The following PDX1 variants were observed in gnomAD, a reference collection of about 807,000 sequenced individuals.
PDX1 encodes the protein pancreas/duodenum homeobox protein 1.
A neutral mutation model predicts 11.1 loss-of-function variants in PDX1; 7 were observed. The ratio of observed to expected loss-of-function variants is 0.63; its 90% confidence interval spans 0.36 to 1.19. The LOEUF is 1.19. Ranked by LOEUF, PDX1 falls within the 50% of genes most tolerant of loss-of-function variation. The pLI, the probability that PDX1 is intolerant of heterozygous loss-of-function variation, is 0.02. For missense variants in PDX1, 449 were observed against 412.1 expected (o/e 1.09, Z -0.78); for synonymous variants, 232 against 196.2 (o/e 1.18, Z -1.53).
At chr13:27,920,662 T>C in intron 1 of PDX1, 118 bp downstream of exon 1, 1 of 1,058,378 alleles carries the variant, frequency 9.4e-7, no homozygotes, top group Non-Finnish European at 1.4e-6. Flanking sequence ...CGGGTCGGAC[T>C]AAACTACATC....
chr13:27,922,011 G>A (rs1280674384), intron 1 of PDX1, among the ~76,000 whole-genome samples: 1 of 152,200 alleles, frequency 6.6e-6, no homozygotes, highest in African/African-American at 2.4e-5. Context: ...TTCCAGGGCT[G>A]CCTCCCCTCC....
chr13:27,923,571 G>A (rs1957802678), intron 1 of PDX1, among the ~76,000 whole-genome samples: 1 of 152,218 alleles, frequency 6.6e-6, no homozygotes, highest in Admixed American at 6.5e-5. Context: ...GAAACACATG[G>A]TCAGATATAA....
At position 27,924,355 on chromosome 13, in the gene PDX1, A is replaced by G; in HGVS notation, c.506A>G (p.Lys169Arg). The G allele has an allele frequency of 6.2e-7, 1 of 1,612,678 alleles. No homozygotes were observed. Among genetic ancestry groups the G allele is most frequent in the Non-Finnish European group, 8.5e-7 (1 of 1,179,912 alleles). Residue 169 changes from lysine to arginine, a missense_variant, in exon 2 of 2, where the codon AAG (lysine) becomes AGG (arginine). Physicochemically the swap from Lys to Arg is conservative, Grantham distance 26 (BLOSUM62 2). This residue lies in a region of PDX1 where 47 missense variants were observed against 78.2 expected (regional missense o/e 0.60). Transcript: ENST00000381033. This position sits in a 1 kb window ranked among gnomAD's most constrained non-coding sequence, Gnocchi z 4.8. ...LELEKEFLFN[K>R]YISRPRRVEL... ...CTGGAGAAGGAGTTCCTATTCAACA[A>G]GTACATCTCACGGCCGCGCCGGGTG...
chr13:27,922,568 G>T (rs765192351), intron 1 of PDX1, among the ~76,000 whole-genome samples: 2 of 152,174 alleles, frequency 1.3e-5, no homozygotes, highest in African/African-American at 2.4e-5. Context: ...CTTCAGCAGC[G>T]CTGTCCAGCT....
intron 1 of PDX1, among the ~76,000 whole-genome samples, chr13:27,921,256 T>C (rs1238439060): frequency 2.0e-5 from 3 of 152,196 alleles, no homozygotes; most frequent in Non-Finnish European, 4.4e-5. Context: ...CCGAAAGCAA[T>C]TGAAGCTGTC....
Position 27,926,182 on chromosome 13 carries a change from G to A in PDX1, c.*1481G>A, listed in dbSNP as rs1197841443. Reference sequence around the variant, plus strand: ...TGGGCCTTGTGCTCGGGTTATGTTTGTGGGAAATGCTTAATAAATACTGAT... The same window carrying A: ...TGGGCCTTGTGCTCGGGTTATGTTTATGGGAAATGCTTAATAAATACTGAT... On this transcript the variant is annotated 3_prime_UTR_variant, in exon 2 of 2. Transcript: ENST00000381033. The A allele has an allele frequency of 2.6e-5, 4 of 152,368 alleles. No individual in the cohort carries two copies. The East Asian group carries it at 7.7e-4, about 29-fold the overall frequency. The allele number at this position is 152,368 out of a possible 1,614,324, so 9.4% of individuals were successfully genotyped here. A position where few individuals can be genotyped will look rare whatever the true frequency, so the allele number is the denominator to read the frequency against.
intron 1 of PDX1, among the ~76,000 whole-genome samples, chr13:27,921,181 G>T (rs1345058716): frequency 6.6e-6 from 1 of 152,268 alleles, no homozygotes; most frequent in Non-Finnish European, 1.5e-5. Flanking sequence ...CTGAAAGCCG[G>T]CCTCTCAACG....
In PDX1 at chr13:27,924,601, C is replaced by T; in HGVS notation, c.752C>T (p.Ala251Val). 1 of 1,463,888 alleles carries T rather than the reference C, an allele frequency of 6.8e-7. No homozygotes were observed. Among genetic ancestry groups the T allele is most frequent in the Non-Finnish European group, 9.0e-7 (1 of 1,113,638 alleles). 90.7% of individuals were successfully genotyped at this position (1,463,888 alleles called of 1,614,324 possible). A position where few individuals can be genotyped will look rare whatever the true frequency, so the allele number is the denominator to read the frequency against. The change falls in exon 2 of 2, where the codon GCT becomes GTT. Residue 251 changes from alanine to valine, a missense_variant. By Grantham distance (64) the Ala-to-Val change is moderately conservative (BLOSUM62 0). Around this residue, in one of 3 missense-constraint regions of PDX1, gnomAD observed 139 missense variants for 121.4 expected, o/e 1.14. Transcript: ENST00000381033. This position sits in a 1 kb window ranked among gnomAD's most constrained non-coding sequence, Gnocchi z 4.8. ...PPPPGGAVPPAAPVAAREGRL... is the reference protein window; with the variant it reads ...PPPPGGAVPPVAPVAAREGRL... The stretch of plus-strand genomic sequence containing the variant: ...CCCCCCGGAGGTGCTGTGCCGCCCG[C>T]TGCCCCCGTTGCCGCCCGAGAGGGC...
chr13:27,923,691 A>G (rs57247118), intron 1 of PDX1, among the ~76,000 whole-genome samples: 34,655 of 152,206 alleles, frequency 0.23, 4,294 homozygotes, highest in East Asian at 0.44. Context: ...TTTTTAAACG[A>G]AATAGCAGAT....
intron 1 of PDX1, among the ~76,000 whole-genome samples, chr13:27,922,963 C>A (rs770028952): frequency 6.6e-6 from 1 of 152,238 alleles, no homozygotes; most frequent in Non-Finnish European, 1.5e-5. Context: ...TCTGCTTCAG[C>A]TTCTGGCGCC....
chr13:27,920,294 C>T lies in PDX1; in HGVS notation c.156C>T (p.Gly52=). The part of the protein sequence containing the change: ...PPPPPPHPFP[G]ALGALEQGSP... ...CGCCGCCGCCGCACCCGTTCCCTGG[C>T]GCCCTGGGCGCGCTGGAGCAGGGCA... Residue 52 remains glycine (G), a synonymous_variant, in exon 1 of 2, where the codon GGC becomes GGT. Transcript: ENST00000381033. 6.5e-7 allele frequency: 1 copy of T among 1,537,886 alleles called. No homozygotes were observed. Among genetic ancestry groups the T allele is most frequent in the Non-Finnish European group, 8.8e-7 (1 of 1,141,986 alleles).
rs764675125 is a variant in PDX1, at chr13:27,920,522, C to G, written c.384C>G (p.His128Gln). The change falls in exon 1 of 2, where the codon CAC (histidine) becomes CAG (glutamine). Residue 128 changes from histidine (H) to glutamine (Q), a missense_variant. His to Gln is a conservative substitution (Grantham distance 24). Around this residue, in one of 3 missense-constraint regions of PDX1, gnomAD observed 263 missense variants for 212.5 expected, o/e 1.24. Transcript: ENST00000381033. ...CATGGATGAAGTCTACCAAAGCTCA[C>G]GCGTGGAAAGGCCAGTGGGCAGGTA... is the stretch of plus-strand genomic sequence containing the variant. ...PFPWMKSTKAHAWKGQWAGGA... is the reference protein window; with the variant it reads ...PFPWMKSTKAQAWKGQWAGGA... 3.1e-6 allele frequency: 5 copies of G among 1,612,884 alleles called. No individual in the cohort carries two copies. In the East Asian group the frequency reaches 8.9e-5, roughly 29 times the overall value.
intron 1 of PDX1, among the ~76,000 whole-genome samples, chr13:27,923,841 C>T (rs2137505622): frequency 6.6e-6 from 1 of 152,258 alleles, no homozygotes; most frequent in Middle Eastern, 3.4e-3. Flanking sequence ...TTGTGGGTCA[C>T]CATCAGGAGG....
chr13:27,920,132 C>A lies in PDX1; in HGVS notation c.-7C>A. On this transcript the variant is annotated 5_prime_UTR_variant, in exon 1 of 2. Transcript: ENST00000381033. The stretch of plus-strand genomic sequence containing the variant: ...CGGCTCCCGGTGCCCAATCCCGGGC[C>A]GCAGCCATGAACGGCGAGGAGCAGT... The A allele has an allele frequency of 1.3e-6, 2 of 1,549,580 alleles. No homozygotes were observed. The highest frequency in any genetic ancestry group is 4.9e-5 in the East Asian group (2 of 40,902).
intron 1 of PDX1, among the ~76,000 whole-genome samples, chr13:27,921,155 G>T (rs1202836582): frequency 6.6e-6 from 1 of 152,260 alleles, no homozygotes; most frequent in Non-Finnish European, 1.5e-5. Context: ...GGGCAAGGCG[G>T]GGGCTCACCG....
At chr13:27,923,756 T>TA (rs933687313) in intron 1 of PDX1, among the ~76,000 whole-genome samples, 1 of 152,146 alleles carries the variant, frequency 6.6e-6, no homozygotes, top group Non-Finnish European at 1.5e-5. Context: ...TTTATGTCCT[T>TA]AAGATTTGTC....
rs535722487 is a variant in PDX1, at chr13:27,920,450, C to G, written c.312C>G (p.Ala104=). Residue 104 remains alanine (A), a synonymous_variant, in exon 1 of 2, where the codon GCC becomes GCG. Coordinates refer to ENST00000381033, the MANE Select transcript of PDX1 (RefSeq NM_000209.4). Reference sequence around the variant, plus strand: ...CCGCCGGGCCCTTCCCGGAGGGAGCCGAGCCGGGCGTCCTGGAGGAGCCCA... The same window carrying G: ...CCGCCGGGCCCTTCCCGGAGGGAGCGGAGCCGGGCGTCCTGGAGGAGCCCA... ...HPPAGPFPEG[A]EPGVLEEPNR... 3 of 1,593,498 alleles carry G rather than the reference C, an allele frequency of 1.9e-6. No individual in the cohort carries two copies. The highest frequency in any genetic ancestry group is 1.7e-6 in the Non-Finnish European group (2 of 1,170,484).
At position 27,924,202 on chromosome 13, in the gene PDX1, G is replaced by C. The variant is rs964430087; in HGVS notation, c.407-54G>C. Reference sequence around the variant, plus strand: ...CCCTTGAAGGGGTTGGGCTGCGTGGGTGGGGGCTGTGCGGGGCTCCGGGGG... The same window carrying C: ...CCCTTGAAGGGGTTGGGCTGCGTGGCTGGGGGCTGTGCGGGGCTCCGGGGG... On this transcript the variant is annotated intron_variant, in intron 1 of 1. Coordinates refer to ENST00000381033, the MANE Select transcript of PDX1 (RefSeq NM_000209.4). This position sits in a 1 kb window ranked among gnomAD's most constrained non-coding sequence, Gnocchi z 4.8. The C allele has an allele frequency of 8.2e-6, 12 of 1,463,896 alleles. No homozygotes were observed. The Admixed American group carries it at 2.3e-4, about 28-fold the overall frequency. The allele number at this position is 1,463,896 out of a possible 1,614,324, so 90.7% of individuals were successfully genotyped here.
In PDX1 at chr13:27,924,615, G is replaced by T. The variant is rs1957812339; in HGVS notation, c.766G>T (p.Ala256Ser). The T allele has an allele frequency of 2.0e-6, 3 of 1,468,040 alleles. No homozygotes were observed. Among genetic ancestry groups the T allele is most frequent in the African/African-American group, 1.5e-5 (1 of 67,818 alleles). The allele number at this position is 1,468,040 out of a possible 1,614,324, so 90.9% of individuals were successfully genotyped here. ...GAVPPAAPVA[A>S]REGRLPPGLS... ...TGTGCCGCCCGCTGCCCCCGTTGCC[G>T]CCCGAGAGGGCCGCCTGCCGCCTGG... The change falls in exon 2 of 2, where the codon GCC becomes TCC. Residue 256 changes from alanine (A) to serine (S), a missense_variant. Transcript: ENST00000381033. This position sits in a 1 kb window ranked among gnomAD's most constrained non-coding sequence, Gnocchi z 4.8.
Sources: allele counts gnomAD v4.1 joint callset (sites outside exome capture counted in the v4.1 genomes callset), GRCh38; gene constraint gnomAD v4.1.1; regional missense constraint gnomAD v4.1.1; non-coding constraint Gnocchi (gnomAD v3.1); transcripts MANE v1.5; gene names NCBI Gene and HGNC (gene_info 2026-07-23, HGNC 2026-07-21).